ASIC2: variants seen among roughly 807,000 people sequenced by gnomAD.
The protein encoded by ASIC2 is acid-sensing ion channel 2.
In ASIC2, 25 loss-of-function variants were observed where a neutral mutation model predicts 57.3. The ratio of observed to expected loss-of-function variants is 0.44; its 90% CI spans 0.32 to 0.61. The LOEUF is 0.61. Among genes scored for constraint, ASIC2 ranks in the 20% least tolerant of loss-of-function variants. The pLI is 0.06. For synonymous variants in ASIC2, 319 were observed against 307.5 expected (o/e 1.04, Z -0.39); for missense variants, 641 against 738.1 (o/e 0.87, Z 1.52).
In ASIC2 at chr17:33,657,852, C is replaced by T. The variant is rs151103534; in HGVS notation, c.555+498126G>A. Among the ~76,000 whole-genome samples, 29 of 150,676 alleles carry T rather than the reference C, an allele frequency of 1.9e-4. No individual in the cohort carries two copies. The East Asian group carries it at 3.7e-3, about 19-fold the overall frequency. ...TGGATTAAACTTAGTTGGAATCCAA[C>T]AGCGATCTAATAAAGGCATGATCAG... On this transcript the variant is annotated intron_variant, in intron 1 of 9. Coordinates refer to the ASIC2 transcript ENST00000359872.
At chr17:33,817,419 G>C (rs1912616348) in intron 1 of ASIC2, among the ~76,000 whole-genome samples, 1 of 152,166 alleles carries the variant, frequency 6.6e-6, no homozygotes, top group Non-Finnish European at 1.5e-5. Context: ...GATGGCCTGA[G>C]TTCTGTGTCT....
At chr17:33,312,228 C>G (rs1402700324) in intron 1 of ASIC2, among the ~76,000 whole-genome samples, 1 of 152,068 alleles carries the variant, frequency 6.6e-6, no homozygotes, top group Admixed American at 6.6e-5. Flanking sequence ...GTGTATAGTG[C>G]CTGGTGTATA....
At position 33,774,319 on chromosome 17, in the gene ASIC2, T is replaced by C. The variant is rs553315892; in HGVS notation, c.555+381659A>G. Among the ~76,000 whole-genome samples, 23 of 152,244 alleles carry C rather than the reference T, an allele frequency of 1.5e-4. No homozygotes were observed. In the South Asian group the frequency reaches 4.2e-3, roughly 28 times the overall value. On this transcript the variant is annotated intron_variant, in intron 1 of 9. Transcript: ENST00000359872. ...TCACCCAAAGGCCAACTTTGATCAA[T>C]TGGTAGCAGCTGCTTGGAGCTATGG... is the stretch of plus-strand genomic sequence containing the variant.
chr17:33,593,106 T>C (rs1255529416), intron 1 of ASIC2, among the ~76,000 whole-genome samples: 1 of 152,198 alleles, frequency 6.6e-6, no homozygotes, highest in Non-Finnish European at 1.5e-5. Context: ...AAGTCAAGAA[T>C]CACTGCTTAG....
chr17:33,092,527 A>T (rs1342070123), intron 2 of ASIC2, among the ~76,000 whole-genome samples: 1 of 152,264 alleles, frequency 6.6e-6, no homozygotes, highest in Non-Finnish European at 1.5e-5. Flanking sequence ...AGAAATTCTG[A>T]TTCAGTCACT....
intron 3 of ASIC2, among the ~76,000 whole-genome samples, chr17:33,054,894 G>A (rs1283305352): frequency 2.6e-5 from 4 of 152,234 alleles, no homozygotes; most frequent in South Asian, 2.1e-4. Context: ...GATGTAGGGC[G>A]GGCAGGGGGA....
intron 1 of ASIC2, among the ~76,000 whole-genome samples, chr17:33,143,216 A>C (rs1297218661): frequency 1.3e-5 from 2 of 152,294 alleles, no homozygotes; most frequent in East Asian, 3.9e-4. Context: ...TGAAATGTAG[A>C]TATCTTGACA....
At chr17:33,986,164 G>C (rs1212857212) in intron 1 of ASIC2, among the ~76,000 whole-genome samples, 1 of 151,284 alleles carries the variant, frequency 6.6e-6, no homozygotes, top group East Asian at 1.9e-4. Flanking sequence ...CTTATTGTTT[G>C]TCTTTTCCAT....
At chr17:33,203,651 A>G (rs73982457) in intron 1 of ASIC2, among the ~76,000 whole-genome samples, 4,096 of 152,096 alleles carry the variant, frequency 0.027, 186 homozygotes, top group African/African-American at 0.089. Flanking sequence ...GGGGTTGGCA[A>G]TGTTATTAAG....
chr17:34,134,412 G>A (rs367711842), intron 1 of ASIC2, among the ~76,000 whole-genome samples: 3 of 152,142 alleles, frequency 2.0e-5, no homozygotes, highest in Non-Finnish European at 4.4e-5. Context: ...AGTCCATCCG[G>A]GCAAGTTAGA....
At chr17:33,426,900 A>G (rs1407636091) in intron 1 of ASIC2, among the ~76,000 whole-genome samples, 1 of 152,232 alleles carries the variant, frequency 6.6e-6, no homozygotes, top group African/African-American at 2.4e-5. Flanking sequence ...GGAGGGGAAT[A>G]AGGGAAGACC....
chr17:33,143,538 G>A (rs115012066), intron 1 of ASIC2, among the ~76,000 whole-genome samples: 1,672 of 152,198 alleles, frequency 0.011, 30 homozygotes, highest in African/African-American at 0.038. Flanking sequence ...AAAATTGTCA[G>A]AATGGCCAAA....
intron 1 of ASIC2, among the ~76,000 whole-genome samples, chr17:33,950,370 A>T (rs1019650684): frequency 6.6e-6 from 1 of 152,246 alleles, no homozygotes; most frequent in Non-Finnish European, 1.5e-5. Context: ...TAAAACCAAA[A>T]TGAAATCAGA....
intron 1 of ASIC2, among the ~76,000 whole-genome samples, chr17:33,951,072 A>G (rs1173613701): frequency 2.0e-5 from 3 of 152,116 alleles, no homozygotes; most frequent in African/African-American, 7.2e-5. Flanking sequence ...TAATCTCTTT[A>G]TCTCTCAGGC....
At position 33,712,635 on chromosome 17, in the gene ASIC2, G is replaced by GTTTTTTTTTTTTTTTTT. The variant is rs1567695931; in HGVS notation, c.555+443342_555+443343insAAAAAAAAAAAAAAAAA. ...CTTTGCTTCCAAGCTTACTCATATG[G>GTTTTTTTTTTTTTTTTT]CTTTTTTTTTTTTTTTTTTTTTTTT... is the stretch of plus-strand genomic sequence containing the variant. On this transcript the variant is annotated intron_variant, in intron 1 of 9. Coordinates refer to the ASIC2 transcript ENST00000359872. 1.1e-4 allele frequency among the ~76,000 whole-genome samples: 13 copies of GTTTTTTTTTTTTTTTTT among 123,324 alleles called. 1 individual carries two copies. The highest frequency in any genetic ancestry group is 3.6e-4 in the African/African-American group (11 of 30,916). The allele number at this position is 123,324 out of a possible 152,430, so 80.9% of individuals were successfully genotyped here. A position where few individuals can be genotyped will look rare whatever the true frequency, so the allele number is the denominator to read the frequency against.
chr17:33,803,586 CTTTTTTTTT>C (rs961357779), intron 1 of ASIC2, among the ~76,000 whole-genome samples: 3 of 96,870 alleles, frequency 3.1e-5, no homozygotes, highest in African/African-American at 1.1e-4. Flanking sequence ...TTTCCCTTTT[CTTTTTTTTT>C]TTTTTTTTTT....
intron 1 of ASIC2, among the ~76,000 whole-genome samples, chr17:33,330,368 A>G (rs955211381): frequency 6.6e-5 from 10 of 152,190 alleles, no homozygotes; most frequent in African/African-American, 2.4e-4. Flanking sequence ...GCAGGACTGC[A>G]GGGAGGCTGC....
chr17:33,351,568 C>G (rs1908182573), intron 1 of ASIC2, among the ~76,000 whole-genome samples: 1 of 152,178 alleles, frequency 6.6e-6, no homozygotes, highest in Non-Finnish European at 1.5e-5. Context: ...AAGTGAATCC[C>G]TACCTCTCAG....
At chr17:33,822,870 A>G (rs1912789218) in intron 1 of ASIC2, among the ~76,000 whole-genome samples, 3 of 152,354 alleles carry the variant, frequency 2.0e-5, no homozygotes, top group Middle Eastern at 3.4e-3. Flanking sequence ...CTCTGTTGAA[A>G]GCAGCATGGT....
Sources: gnomAD v4.1 joint callset for allele counts (sites outside exome capture counted in the v4.1 genomes callset) on GRCh38, gnomAD v4.1.1 for gene constraint, MANE v1.5 for transcripts, NCBI Gene and HGNC (gene_info 2026-07-23, HGNC 2026-07-21) for gene names.